Variants in RNLS observed in about 807,000 individuals in gnomAD.
The protein encoded by RNLS is renalase.
RNLS carries 39 observed loss-of-function variants against 39.8 expected under a neutral mutation model. The ratio of observed to expected loss-of-function variants is 0.98; its 90% CI spans 0.76 to 1.28. The LOEUF is 1.28. Among genes scored for constraint, RNLS ranks in the 50% most tolerant of loss-of-function variants. The pLI is 0.00. For missense variants in RNLS, 410 were observed against 413.3 expected (o/e 0.99, Z 0.07); for synonymous variants, 147 against 150.7 (o/e 0.98, Z 0.18).
chr10:88,261,408 C>T, the RNLS span, among the ~76,000 whole-genome samples: 3 of 152,298 alleles, frequency 2.0e-5, no homozygotes, highest in South Asian at 6.2e-4. Context: ...TATTTTTCAT[C>T]CATGCTGTGT....
intron 6 of RNLS, among the ~76,000 whole-genome samples, chr10:88,314,129 A>G (rs1484698495): frequency 1.3e-5 from 2 of 152,234 alleles, no homozygotes; most frequent in Non-Finnish European, 1.5e-5. Context: ...AAATATCCAC[A>G]GTACTGATCT....
chr10:88,399,320 A>T (rs1341706377), intron 4 of RNLS, among the ~76,000 whole-genome samples: 2 of 152,080 alleles, frequency 1.3e-5, no homozygotes, highest in Non-Finnish European at 2.9e-5. Flanking sequence ...AGAAACTTGT[A>T]CATGAATGTT....
intron 4 of RNLS, among the ~76,000 whole-genome samples, chr10:88,513,908 T>C (rs1268161211): frequency 1.3e-5 from 2 of 152,244 alleles, no homozygotes; most frequent in East Asian, 3.9e-4. Flanking sequence ...AGGGATCTTG[T>C]AGTAGTGTTG....
At chr10:88,515,222 T>A (rs1564863728) in intron 4 of RNLS, among the ~76,000 whole-genome samples, 1 of 152,072 alleles carries the variant, frequency 6.6e-6, no homozygotes, top group Non-Finnish European at 1.5e-5. Flanking sequence ...GATTTTAATA[T>A]GACTTATTTT....
intron 5 of RNLS, among the ~76,000 whole-genome samples, chr10:88,351,911 G>T (rs1350353576): frequency 6.6e-6 from 1 of 152,116 alleles, no homozygotes; most frequent in East Asian, 1.9e-4. Flanking sequence ...CCTTGAAGAG[G>T]TCCTTCACAT....
At chr10:88,283,246 A>C (rs1439977828), downstream of RNLS, among the ~76,000 whole-genome samples, 1 of 152,202 alleles carries the variant, frequency 6.6e-6, no homozygotes, top group African/African-American at 2.4e-5. Context: ...TTTCAAAATA[A>C]TTAAAATAGC....
chr10:88,211,620 C>G, the RNLS span, among the ~76,000 whole-genome samples: 1 of 151,980 alleles, frequency 6.6e-6, no homozygotes. Context: ...GTGTGAAGCC[C>G]AGGGGTGAGA....
At chr10:88,242,538 C>A in the RNLS span, among the ~76,000 whole-genome samples, 2 of 152,212 alleles carry the variant, frequency 1.3e-5, no homozygotes, top group Non-Finnish European at 1.5e-5. Context: ...AAAAAAAAAT[C>A]TCTGTTTTTT....
the RNLS span, among the ~76,000 whole-genome samples, chr10:88,237,813 C>T: frequency 0.16 from 24,010 of 151,958 alleles, 2,353 homozygotes; most frequent in East Asian, 0.4. Context: ...AAGGGAGTTA[C>T]CAAAAAAAGT....
chr10:88,213,719 A>G, the RNLS span, among the ~76,000 whole-genome samples: 1 of 152,132 alleles, frequency 6.6e-6, no homozygotes, highest in Non-Finnish European at 1.5e-5. Flanking sequence ...TTTTTATCTG[A>G]AGGTACATGA....
intron 5 of RNLS, 81 bp downstream of exon 5, chr10:88,362,471 C>CAA (rs1849707371): frequency 7.6e-7 from 1 of 1,310,900 alleles, no homozygotes; most frequent in African/African-American, 1.5e-5. Flanking sequence ...TTCAGAATGG[C>CAA]AACACTCAAT....
At chr10:88,285,634 C>CA (rs1011179262) in intron 6 of RNLS, 128 bp from the exon 7 acceptor site, 62 of 761,888 alleles carry the variant, frequency 8.1e-5, no homozygotes, top group East Asian at 5.2e-4. Flanking sequence ...ACCAAACAAA[C>CA]AAAAAAAATG....
intron 4 of RNLS, among the ~76,000 whole-genome samples, chr10:88,423,137 AG>A (rs1346666714): frequency 1.1e-4 from 17 of 152,236 alleles, no homozygotes; most frequent in Admixed American, 1.3e-4. Flanking sequence ...TTCTGTTTTA[AG>A]GTAAGGCATT....
intron 4 of RNLS, among the ~76,000 whole-genome samples, chr10:88,370,007 CTCTT>C (rs1383579721): frequency 6.6e-6 from 1 of 152,098 alleles, no homozygotes; most frequent in African/African-American, 2.4e-5. Context: ...TTACATAAAA[CTCTT>C]TCACATATAC....
chr10:88,353,248 G>C (rs897172072), intron 5 of RNLS, among the ~76,000 whole-genome samples: 1 of 152,092 alleles, frequency 6.6e-6, no homozygotes, highest in Admixed American at 6.5e-5. Context: ...CCTGCCTTCT[G>C]CTAGCTTTTG....
intron 4 of RNLS, among the ~76,000 whole-genome samples, chr10:88,430,995 G>T (rs987396395): frequency 6.6e-6 from 1 of 151,542 alleles, no homozygotes; most frequent in African/African-American, 2.4e-5. Flanking sequence ...TCATGAATTA[G>T]GTTGGAAAGT....
At chr10:88,581,766 A>C in intron 2 of RNLS, 57 bp from the exon 3 acceptor site, 2 of 1,151,672 alleles carry the variant, frequency 1.7e-6, no homozygotes, top group Non-Finnish European at 2.3e-6. Flanking sequence ...TAGCTCTAAA[A>C]GACTATATTT....
At chr10:88,581,315 T>TATATATATATAC (rs1318796903) in intron 3 of RNLS, among the ~76,000 whole-genome samples, 2 of 147,600 alleles carry the variant, frequency 1.4e-5, no homozygotes, top group African/African-American at 4.9e-5. Flanking sequence ...TATATATATA[T>TATATATATATAC]ACATCTATAA....
the RNLS span, among the ~76,000 whole-genome samples, chr10:88,232,752 C>A: frequency 6.6e-6 from 1 of 152,244 alleles, no homozygotes; most frequent in Non-Finnish European, 1.5e-5. Context: ...ATCTTTCAAC[C>A]AAGCCATCCT....
Sources: allele counts gnomAD v4.1 joint callset (sites outside exome capture counted in the v4.1 genomes callset), GRCh38; gene constraint gnomAD v4.1.1; transcripts MANE v1.5; gene names NCBI Gene and HGNC (gene_info 2026-07-23, HGNC 2026-07-21).